The following MYO10 variants were observed in gnomAD, a reference collection of about 807,000 sequenced individuals.
MYO10 encodes unconventional myosin-X.
In MYO10, 133 loss-of-function variants were observed where a neutral mutation model predicts 257.3. The ratio of observed to expected loss-of-function variants is 0.52; its 90% CI spans 0.45 to 0.60. The LOEUF is 0.60. Ranked by LOEUF, MYO10 falls within the 20% of genes least tolerant of loss-of-function variation. MYO10 has a pLI of 0.00. For missense variants in MYO10, 2,399 were observed against 2,635.7 expected (o/e 0.91, Z 1.97); for synonymous variants, 1,104 against 1,028.6 (o/e 1.07, Z -1.40).
In MYO10 at chr5:16,701,740, C is replaced by T; in HGVS notation, c.2655G>A (p.Lys885=). 1.2e-6 allele frequency: 2 copies of T among 1,613,990 alleles called. No individual in the cohort carries two copies. Among genetic ancestry groups the T allele is most frequent in the Non-Finnish European group, 1.7e-6 (2 of 1,179,894 alleles). ...CCAGACGGAGGATCTCTTCCACCTG[C>T]TTATTTTCCTTCTGTTTCTCCAGTT... ...TRELEKQKEN[K]QVEEILRLEK... is the part of the protein sequence containing the mutation. The change falls in exon 25 of 41, where the codon AAG becomes AAA. Residue 885 remains lysine, a synonymous_variant. Coordinates refer to ENST00000513610, the MANE Select transcript of MYO10 (RefSeq NM_012334.3). This position sits in a 1 kb window ranked among gnomAD's most constrained non-coding sequence, Gnocchi z 8.1.
chr5:16,710,173 C>A (rs1738533701), intron 21 of MYO10, among the ~76,000 whole-genome samples: 1 of 152,166 alleles, frequency 6.6e-6, no homozygotes, highest in Admixed American at 6.6e-5. Flanking sequence ...ACACATGTGT[C>A]CTCAGCTGCC....
rs550957567 is a variant in MYO10 at position 16,718,075 on chromosome 5, A to G, written c.1930-6830T>C. Among the ~76,000 whole-genome samples, 12 of 152,334 alleles carry G rather than the reference A, an allele frequency of 7.9e-5. No homozygotes were observed. The East Asian group carries it at 2.1e-3, about 27-fold the overall frequency. On this transcript the variant is annotated intron_variant, in intron 19 of 40. Transcript: ENST00000513610. ...CCAGCCAGCCCTGCTGGCCCCGGGC[A>G]ATGGGGGACTTAGCACCTGGGCCAG...
intron 19 of MYO10, among the ~76,000 whole-genome samples, chr5:16,730,893 C>T (rs1739555464): frequency 2.0e-5 from 3 of 152,090 alleles, no homozygotes; most frequent in Admixed American, 1.3e-4. Context: ...GCTCTCAGTC[C>T]TTTGATGAAT....
At chr5:16,697,615 T>C (rs917077684) in intron 26 of MYO10, among the ~76,000 whole-genome samples, 6 of 151,976 alleles carry the variant, frequency 3.9e-5, no homozygotes, top group Non-Finnish European at 7.4e-5. Context: ...GGAGAATCAC[T>C]TGAACCCCGG....
At chr5:16,773,071 A>G (rs1226692484) in intron 9 of MYO10, among the ~76,000 whole-genome samples, 1 of 152,232 alleles carries the variant, frequency 6.6e-6, no homozygotes, top group African/African-American at 2.4e-5. Flanking sequence ...TGTGTTCATT[A>G]TATCTCAATA....
At chr5:16,814,580 G>A (rs979086495) in intron 3 of MYO10, 3 of 151,932 alleles carry the variant, frequency 2.0e-5, no homozygotes, top group African/African-American at 4.8e-5. Flanking sequence ...GCATTGCTCC[G>A]AGCCAGGATC....
At chr5:16,880,735 C>T (rs1036521461) in intron 1 of MYO10, among the ~76,000 whole-genome samples, 1 of 152,178 alleles carries the variant, frequency 6.6e-6, no homozygotes. Context: ...TGATAACACA[C>T]ATGAAGAATG....
chr5:16,681,305 T>A lies in MYO10; in HGVS notation c.4384+4A>T. On this transcript the variant is annotated splice_donor_region_variant and intron_variant, in intron 32 of 40. Transcript: ENST00000513610. ...CTCAGGGTTCGGGCAGCCAGCCTGG[T>A]TACCTGTCTCTTTGAATATCTTCTC... The A allele has an allele frequency of 6.2e-7, 1 of 1,605,358 alleles. No homozygotes were observed. The highest frequency in any genetic ancestry group is 8.5e-7 in the Non-Finnish European group (1 of 1,177,256).
At chr5:16,735,574 T>G (rs1467391860) in intron 19 of MYO10, among the ~76,000 whole-genome samples, 1 of 151,356 alleles carries the variant, frequency 6.6e-6, no homozygotes, top group Non-Finnish European at 1.5e-5. Context: ...GGTATGGTAG[T>G]GCATACTTGT....
At chr5:16,733,535 G>T (rs558478304) in intron 19 of MYO10, among the ~76,000 whole-genome samples, 19 of 152,200 alleles carry the variant, frequency 1.2e-4, no homozygotes, top group Middle Eastern at 3.4e-3. Context: ...GCAAGTCCTC[G>T]GTAAATTCTG....
At chr5:16,840,411 C>CTGAA (rs58976150) in intron 2 of MYO10, among the ~76,000 whole-genome samples, 59,855 of 136,986 alleles carry the variant, frequency 0.44, 12,766 homozygotes, top group East Asian at 0.55. Context: ...CACTCCATCT[C>CTGAA]TGAATGAATG....
intron 33 of MYO10, 114 bp from the exon 34 acceptor site, chr5:16,676,268 C>T (rs1409956962): frequency 4.7e-5 from 61 of 1,297,784 alleles, no homozygotes; most frequent in Non-Finnish European, 6.5e-5. Flanking sequence ...GGTGGAAATC[C>T]AGTGTTAGGT....
At chr5:16,821,443 C>CTTTTTTTTTTTTTTTTT (rs571931909) in intron 2 of MYO10, among the ~76,000 whole-genome samples, 3 of 70,236 alleles carry the variant, frequency 4.3e-5, no homozygotes, top group Non-Finnish European at 5.0e-5. Context: ...CTCCTATTTT[C>CTTTTTTTTTTTTTTTTT]TTTTTTTTTT....
rs1400286950 is a variant in MYO10, at chr5:16,794,812, C to A, written c.301G>T (p.Ala101Ser). The A allele has an allele frequency of 3.2e-6, 5 of 1,563,374 alleles. No homozygotes were observed. The highest frequency in any genetic ancestry group is 4.3e-6 in the Non-Finnish European group (5 of 1,152,920). Reference protein sequence around the residue: ...QIYTYIGSILASVNPYQPIAG... With the variant: ...QIYTYIGSILSSVNPYQPIAG... ...ATGGGCTGGTAGGGGTTCACGGAGG[C>A]CAGGATGGAGCCGATGTAGGTCTGC... Residue 101 changes from alanine (A) to serine (S), a missense_variant, in exon 4 of 41, where the codon GCC becomes TCC. Physicochemically the swap from Ala to Ser is moderately conservative, Grantham distance 99 (BLOSUM62 1). This residue lies in a region of MYO10 where 242 missense variants were observed against 249.5 expected (regional missense o/e 0.97). Transcript: ENST00000513610.
chr5:16,768,954 G>T, intron 10 of MYO10, 120 bp downstream of exon 10: 1 of 1,278,102 alleles, frequency 7.8e-7, no homozygotes, highest in Non-Finnish European at 1.0e-6. Context: ...GGGGTTACAG[G>T]CAAGAGCCAC....
intron 9 of MYO10, among the ~76,000 whole-genome samples, chr5:16,772,408 T>C (rs1216913899): frequency 1.3e-5 from 2 of 152,226 alleles, no homozygotes. Flanking sequence ...GCTGGGATTA[T>C]AGGCGTGAGC....
At chr5:16,928,385 G>A (rs112814889) in intron 1 of MYO10, among the ~76,000 whole-genome samples, 10 of 151,912 alleles carry the variant, frequency 6.6e-5, no homozygotes, top group African/African-American at 1.7e-4. Context: ...TTAGAGACAG[G>A]GTTTCACTAT....
chr5:16,883,433 G>C (rs1032596273), intron 1 of MYO10, among the ~76,000 whole-genome samples: 3 of 152,134 alleles, frequency 2.0e-5, no homozygotes. Flanking sequence ...GACTAGAGGG[G>C]CTAACAGACC....
chr5:16,847,171 C>T (rs1471282729), intron 2 of MYO10, among the ~76,000 whole-genome samples: 2 of 151,654 alleles, frequency 1.3e-5, no homozygotes, highest in African/African-American at 4.9e-5. Context: ...GTGGCTCATG[C>T]CTGTAATCCC....
Sources: gnomAD v4.1 joint callset for allele counts (sites outside exome capture counted in the v4.1 genomes callset) on GRCh38, gnomAD v4.1.1 for gene constraint, gnomAD v4.1.1 regional missense constraint, Gnocchi (gnomAD v3.1) non-coding constraint, MANE v1.5 for transcripts, NCBI Gene and HGNC (gene_info 2026-07-23, HGNC 2026-07-21) for gene names.